The following OCA2 variants were observed in gnomAD, a reference collection of about 807,000 sequenced individuals.
The protein encoded by OCA2 is OCA2 melanosomal transmembrane protein, also known as P protein.
Under a neutral mutation model 100.2 loss-of-function variants are expected in OCA2, and 77 were observed. That is an observed-to-expected ratio of 0.77 (90% CI 0.64 to 0.93). The LOEUF (loss-of-function observed/expected upper bound fraction) is 0.93, where lower values mean the gene tolerates loss of function less well. OCA2 is among the 40% of genes least tolerant of loss of function. OCA2 has a pLI of 0.00. For missense variants in OCA2, 1,062 were observed against 1,089.1 expected (o/e 0.98, Z 0.35); for synonymous variants, 432 against 439.2 (o/e 0.98, Z 0.21).
chr15:27,822,467 T>C (rs2151276089), intron 23 of OCA2, among the ~76,000 whole-genome samples: 1 of 152,336 alleles, frequency 6.6e-6, no homozygotes, highest in Non-Finnish European at 1.5e-5. Context: ...TGAGGGTTCA[T>C]GCAAATGAAT....
intron 19 of OCA2, among the ~76,000 whole-genome samples, chr15:27,892,163 A>C (rs1269031054): frequency 6.6e-6 from 1 of 152,184 alleles, no homozygotes; most frequent in Non-Finnish European, 1.5e-5. Context: ...GAAATGCTAC[A>C]CAGAAAATAA....
At chr15:28,056,975 C>A (rs1321122460) in intron 2 of OCA2, among the ~76,000 whole-genome samples, 2 of 152,200 alleles carry the variant, frequency 1.3e-5, no homozygotes, top group Non-Finnish European at 2.9e-5. Context: ...CCCTCTCAGG[C>A]CCCCCTCCTA....
At chr15:28,070,965 CATGCTCGTTAAGAGTCAT>C (rs2044240989) in intron 2 of OCA2, among the ~76,000 whole-genome samples, 2 of 145,882 alleles carry the variant, frequency 1.4e-5, no homozygotes, top group South Asian at 4.6e-4. Flanking sequence ...TTGAAGGCAG[CATGCTCGTTAAGAGTCAT>C]CACCAATCCC....
chr15:28,092,655 G>C (rs2044890604), intron 1 of OCA2, among the ~76,000 whole-genome samples: 1 of 152,032 alleles, frequency 6.6e-6, no homozygotes, highest in South Asian at 2.1e-4. Flanking sequence ...ACTTTAAATG[G>C]GTGAATTATA....
chr15:27,755,961 C>T (rs1026789768), intron 23 of OCA2, among the ~76,000 whole-genome samples: 1 of 152,154 alleles, frequency 6.6e-6, no homozygotes, highest in African/African-American at 2.4e-5. Context: ...TAAGGAAAGG[C>T]AAAGGGAAGA....
rs146795884 is a variant in OCA2 at position 28,014,850 on chromosome 15, G to A, written c.970C>T (p.Arg324Cys). The change falls in exon 9 of 24, where the codon CGC becomes TGC. Residue 324 changes from arginine (R) to cysteine (C), a missense_variant. Coordinates refer to ENST00000354638, the MANE Select transcript of OCA2 (RefSeq NM_000275.3). ...VPLLMAHQYL[R>C]GSVETQVTIA... ...GTCACCTGGGTTTCTACACTTCCGC[G>A]GAGGTACTGATGAGCCATCAAAAGA... The A allele has an allele frequency of 1.0e-4, 166 of 1,614,160 alleles. No individual in the cohort carries two copies. In the African/African-American group the frequency reaches 1.7e-3, roughly 17 times the overall value.
At chr15:28,049,773 A>C (rs1256735548) in intron 2 of OCA2, among the ~76,000 whole-genome samples, 2 of 152,170 alleles carry the variant, frequency 1.3e-5, no homozygotes, top group Admixed American at 6.5e-5. Context: ...CAGAGACAGA[A>C]AGGAAATTGC....
At chr15:27,729,289 A>ATTTTTTTTTTT in the OCA2 span, among the ~76,000 whole-genome samples, 1 of 111,218 alleles carries the variant, frequency 9.0e-6, no homozygotes, top group African/African-American at 3.2e-5. Context: ...ATTATCATCT[A>ATTTTTTTTTTT]TTTTTTTTTT....
chr15:27,903,635 G>C (rs1316731690), intron 19 of OCA2, among the ~76,000 whole-genome samples: 1 of 152,214 alleles, frequency 6.6e-6, no homozygotes, highest in Non-Finnish European at 1.5e-5. Flanking sequence ...CCATCCCCCA[G>C]GAGCGGGTCC....
chr15:27,987,901 T>C (rs940122861), intron 11 of OCA2, among the ~76,000 whole-genome samples: 7 of 152,090 alleles, frequency 4.6e-5, no homozygotes, highest in Non-Finnish European at 2.9e-5. Flanking sequence ...GTCTCTCAAA[T>C]AAACTATAGA....
chr15:27,756,645 T>C (rs948926880), intron 23 of OCA2, among the ~76,000 whole-genome samples: 1 of 152,188 alleles, frequency 6.6e-6, no homozygotes, highest in African/African-American at 2.4e-5. Flanking sequence ...TCTGGTCAAC[T>C]CCAGGCATCA....
chr15:27,860,448 A>T (rs750067876), intron 21 of OCA2, among the ~76,000 whole-genome samples: 8 of 152,168 alleles, frequency 5.3e-5, no homozygotes, highest in Non-Finnish European at 1.0e-4. Context: ...CCTCGTCCTC[A>T]TCCCTCACTC....
intron 23 of OCA2, among the ~76,000 whole-genome samples, chr15:27,802,783 C>G (rs1223001263): frequency 1.3e-5 from 2 of 152,166 alleles, no homozygotes. Flanking sequence ...GGAGGGATCA[C>G]AGACCTCAAT....
At chr15:27,728,901 A>C in the OCA2 span, among the ~76,000 whole-genome samples, 1 of 152,208 alleles carries the variant, frequency 6.6e-6, no homozygotes, top group Non-Finnish European at 1.5e-5. Context: ...TGTCGTTTAC[A>C]ACCTGGAAGG....
chr15:27,913,921 A>T (rs2038560794), intron 19 of OCA2, among the ~76,000 whole-genome samples: 1 of 62,026 alleles, frequency 1.6e-5, no homozygotes, highest in Non-Finnish European at 2.8e-5. Flanking sequence ...GCAAGCAAGC[A>T]AGCAAGCAAG....
chr15:27,983,252 T>C, intron 14 of OCA2, 93 bp downstream of exon 14: 2 of 1,508,690 alleles, frequency 1.3e-6, no homozygotes, highest in South Asian at 1.1e-5. Context: ...CGTGATGATC[T>C]TGATTTCTAA....
chr15:27,738,722 G>A, the OCA2 span, among the ~76,000 whole-genome samples: 78,409 of 146,762 alleles, frequency 0.53, 21,649 homozygotes, highest in East Asian at 0.67. Flanking sequence ...CTCGGTCTCA[G>A]AAAAAAAAAA....
chr15:27,848,525 C>T (rs892718250), intron 22 of OCA2, among the ~76,000 whole-genome samples: 10 of 152,140 alleles, frequency 6.6e-5, no homozygotes, highest in African/African-American at 2.4e-4. Context: ...ACAGGGGGGT[C>T]GGGCCTGCAC....
chr15:27,952,494 G>A (rs1178982531), intron 17 of OCA2, among the ~76,000 whole-genome samples: 1 of 152,204 alleles, frequency 6.6e-6, no homozygotes, highest in Non-Finnish European at 1.5e-5. Flanking sequence ...CAAGGGTACT[G>A]TGCTCCACAG....
Sources: allele counts gnomAD v4.1 joint callset (sites outside exome capture counted in the v4.1 genomes callset), GRCh38; gene constraint gnomAD v4.1.1; transcripts MANE v1.5; gene names NCBI Gene and HGNC (gene_info 2026-07-23, HGNC 2026-07-21).